Variants in CCNF observed in about 807,000 individuals in gnomAD.
CCNF encodes the protein cyclin-F.
CCNF carries 30 observed loss-of-function variants against 85.4 expected under a neutral mutation model. The observed-to-expected ratio is 0.35, with a 90% CI of 0.26 to 0.48. CCNF has a LOEUF of 0.48. CCNF is among the 20% of genes least tolerant of loss of function. The probability of loss-of-function intolerance (pLI) is 0.99; values close to 1 mark genes in which losing one functional copy is unlikely to be tolerated. For synonymous variants in CCNF, 439 were observed against 425.1 expected (o/e 1.03, Z -0.40); for missense variants, 919 against 1,010.4 (o/e 0.91, Z 1.23).
rs1484999871 is a variant in CCNF at position 2,457,101 on chromosome 16, C to G, written c.*81C>G. 2 of 1,065,256 alleles carry G rather than the reference C, an allele frequency of 1.9e-6. No individual in the cohort carries two copies. Among genetic ancestry groups the G allele is most frequent in the African/African-American group, 3.2e-5 (2 of 62,430 alleles). The allele number at this position is 1,065,256 out of a possible 1,614,324, so 66.0% of individuals were successfully genotyped here. A position where few individuals can be genotyped will look rare whatever the true frequency, so the allele number is the denominator to read the frequency against. On this transcript the variant is annotated 3_prime_UTR_variant, in exon 17 of 17. Coordinates refer to ENST00000397066, the MANE Select transcript of CCNF (RefSeq NM_001761.3). ...GTGGGAGCATAGCATAGGAACGCTG[C>G]ATAGACCATGGAGGCCTTTGCGCAG...
chr16:2,451,642 C>G lies in CCNF; in HGVS notation c.1488-1568C>G, dbSNP rs929600907. Among the ~76,000 whole-genome samples, 3 of 152,186 alleles carry G rather than the reference C, an allele frequency of 2.0e-5. No individual in the cohort carries two copies. Among genetic ancestry groups the G allele is most frequent in the African/African-American group, 7.2e-5 (3 of 41,440 alleles). On this transcript the variant is annotated intron_variant, in intron 13 of 16. Coordinates refer to ENST00000397066, the MANE Select transcript of CCNF (RefSeq NM_001761.3). The surrounding 1 kb of genome is among the most constrained non-coding windows in gnomAD (Gnocchi z 4.3). ...CCTAGCTCACTGCAGCCCTGACCTCCCGGGCTCAAGGGATTCTTTTGTGTC... is the reference window on the plus strand; with the variant it reads ...CCTAGCTCACTGCAGCCCTGACCTCGCGGGCTCAAGGGATTCTTTTGTGTC...
Position 2,449,264 on chromosome 16 carries a change from C to A in CCNF, c.1219-18C>A. On this transcript the variant is annotated intron_variant, in intron 11 of 16. Coordinates refer to ENST00000397066, the MANE Select transcript of CCNF (RefSeq NM_001761.3). ...GCCCCCGAGCGCTGAGAGCCCACACCCCGTCCCGGCTGTCTAGGTCCCCAC... is the reference window on the plus strand; with the variant it reads ...GCCCCCGAGCGCTGAGAGCCCACACACCGTCCCGGCTGTCTAGGTCCCCAC... 2 of 1,613,036 alleles carry A rather than the reference C, an allele frequency of 1.2e-6. No homozygotes were observed. Among genetic ancestry groups the A allele is most frequent in the Non-Finnish European group, 1.7e-6 (2 of 1,179,318 alleles).
In CCNF at chr16:2,443,626, C is replaced by T. The variant is rs2065344539; in HGVS notation, c.778-23C>T. ...TGCAACATGGCTGCTGTCTCACGCT[C>T]ATGTTTGTCTTTTCTTCCTCAGCTG... is the stretch of plus-strand genomic sequence containing the variant. On this transcript the variant is annotated intron_variant, in intron 8 of 16. Coordinates refer to ENST00000397066, the MANE Select transcript of CCNF (RefSeq NM_001761.3). 4 of 1,608,630 alleles carry T rather than the reference C, an allele frequency of 2.5e-6. No individual in the cohort carries two copies. The African/African-American group carries it at 5.3e-5, about 21-fold the overall frequency.
intron 3 of CCNF, among the ~76,000 whole-genome samples, chr16:2,433,286 G>A (rs1186852911): frequency 6.6e-6 from 1 of 152,096 alleles, no homozygotes; most frequent in Admixed American, 6.5e-5. Flanking sequence ...CATCCCTCAC[G>A]CCACTGACAC....
Position 2,431,270 on chromosome 16 carries a change from C to T in CCNF, c.157C>T (p.Leu53=), listed in dbSNP as rs1470802387. 5 of 1,613,962 alleles carry T rather than the reference C, an allele frequency of 3.1e-6. No homozygotes were observed. The highest frequency in any genetic ancestry group is 4.2e-6 in the Non-Finnish European group (5 of 1,180,004). Residue 53 remains leucine, a synonymous_variant, in exon 2 of 17, where the codon CTG becomes TTG. Transcript: ENST00000397066. The stretch of plus-strand genomic sequence containing the variant: ...GAAATGGCTTTCTGTAGAGGACATC[C>T]TGGCCGTCCGAGCTGTAAGTCCCTG... ...ILKWLSVEDI[L]AVRAVHSQLK...
At chr16:2,450,985 GC>G (rs1248857734) in intron 13 of CCNF, among the ~76,000 whole-genome samples, 1 of 152,210 alleles carries the variant, frequency 6.6e-6, no homozygotes, top group African/African-American at 2.4e-5. Context: ...CCCCCTGTCT[GC>G]CCCAGCCCCA....
At chr16:2,436,504 G>C (rs977222304) in intron 4 of CCNF, 2 of 152,224 alleles carry the variant, frequency 1.3e-5, no homozygotes, top group Admixed American at 1.3e-4. Context: ...ACTTCTAAAC[G>C]ATCTGGTGTC....
Position 2,449,810 on chromosome 16 carries a change from G to A in CCNF, c.1400-18G>A. The A allele has an allele frequency of 1.5e-6, 1 of 664,806 alleles. No individual in the cohort carries two copies. Among genetic ancestry groups the A allele is most frequent in the Non-Finnish European group, 2.0e-6 (1 of 500,640 alleles). 41.2% of individuals were successfully genotyped at this position (664,806 alleles called of 1,614,324 possible). On this transcript the variant is annotated intron_variant, in intron 12 of 16. Coordinates refer to ENST00000397066, the MANE Select transcript of CCNF (RefSeq NM_001761.3). Reference sequence around the variant, plus strand: ...GTCCCCTCCATCCCCTCCACCCCTGGCCTGCTTTCCTCCCCAGCACAGCCC... The same window carrying A: ...GTCCCCTCCATCCCCTCCACCCCTGACCTGCTTTCCTCCCCAGCACAGCCC...
chr16:2,439,519 G>A (rs2065310001), intron 7 of CCNF, 62 bp downstream of exon 7: 1 of 1,254,170 alleles, frequency 8.0e-7, no homozygotes, highest in East Asian at 2.4e-5. Flanking sequence ...GTTGATGCTG[G>A]TCCTTGGATG....
intron 5 of CCNF, chr16:2,437,554 G>A: frequency 2.1e-6 from 1 of 474,832 alleles, no homozygotes; most frequent in African/African-American, 2.0e-5. Flanking sequence ...GCTGACAGCT[G>A]GAAACATGGG....
intron 8 of CCNF, 101 bp from the exon 9 acceptor site, chr16:2,443,548 G>C: frequency 9.0e-7 from 1 of 1,113,926 alleles, no homozygotes; most frequent in Non-Finnish European, 1.3e-6. Context: ...GTAGGGCAGT[G>C]TGTCCACATG....
At chr16:2,432,206 C>A (rs2065266439) in intron 2 of CCNF, among the ~76,000 whole-genome samples, 2 of 152,180 alleles carry the variant, frequency 1.3e-5, no homozygotes, top group South Asian at 2.1e-4. Flanking sequence ...AGAATACATT[C>A]TTGAGGACAA....
intron 1 of CCNF, among the ~76,000 whole-genome samples, chr16:2,430,781 T>G (rs977840799): frequency 6.6e-6 from 1 of 152,140 alleles, no homozygotes; most frequent in African/African-American, 2.4e-5. Flanking sequence ...GAGAGTGAAA[T>G]AGAAGGAAAA....
Position 2,456,890 on chromosome 16 carries a change from G to A in CCNF, c.2231G>A (p.Arg744Lys). 1 of 1,614,192 alleles carries A rather than the reference G, an allele frequency of 6.2e-7. No homozygotes were observed. Among genetic ancestry groups the A allele is most frequent in the Non-Finnish European group, 8.5e-7 (1 of 1,180,036 alleles). Residue 744 changes from arginine to lysine, a missense_variant, in exon 17 of 17, where the codon AGG (arginine) becomes AAG (lysine). Arg to Lys is a conservative substitution (Grantham distance 26, BLOSUM62 2). This residue lies in a region of CCNF where 505 missense variants were observed against 514.8 expected (regional missense o/e 0.98). Transcript: ENST00000397066. The surrounding 1 kb of genome is among the most constrained non-coding windows in gnomAD (Gnocchi z 4.5). ...ACACAGCCCTGCCACCATCAGGCCA[G>A]GAAGTCATGTTTACAGTGTCGTCCC... ...SHTQPCHHQA[R>K]KSCLQCRPPS...
Position 2,449,610 on chromosome 16 carries a change from T to G in CCNF, c.1399+148T>G, listed in dbSNP as rs986933903. ...AGCACGGCTCCTACCTTCAGTGATG[T>G]CCCAGATTTCTGACCATGAGCCTGC... On this transcript the variant is annotated intron_variant, in intron 12 of 16. Coordinates refer to ENST00000397066, the MANE Select transcript of CCNF (RefSeq NM_001761.3). 6 of 841,482 alleles carry G rather than the reference T, an allele frequency of 7.1e-6. No individual in the cohort carries two copies. The Admixed American group carries it at 1.4e-4, about 20-fold the overall frequency. 52.1% of individuals were successfully genotyped at this position (841,482 alleles called of 1,614,324 possible). A position where few individuals can be genotyped will look rare whatever the true frequency, so the allele number is the denominator to read the frequency against.
chr16:2,436,025 G>T, intron 4 of CCNF, 152 bp downstream of exon 4: 1 of 553,222 alleles, frequency 1.8e-6, no homozygotes. Context: ...CTCGTGCCCA[G>T]ATGTACCCTG....
chr16:2,436,086 T>G (rs1398044808), intron 4 of CCNF: 1 of 455,112 alleles, frequency 2.2e-6, no homozygotes, highest in Non-Finnish European at 3.9e-6. Context: ...GAAAGTCGCC[T>G]CTTGTTTTAG....
In CCNF at chr16:2,456,924, C is replaced by T. The variant is rs1567392698; in HGVS notation, c.2265C>T (p.Pro755=). The change falls in exon 17 of 17, where the codon CCC becomes CCT. Residue 755 remains proline, a synonymous_variant. Transcript: ENST00000397066. This position sits in a 1 kb window ranked among gnomAD's most constrained non-coding sequence, Gnocchi z 4.5. ...GTTTACAGTGTCGTCCCCCAAGTCC[C>T]CCGGAGAGCAGTGTTCCCCAGCAAC... is the stretch of plus-strand genomic sequence containing the variant. ...KSCLQCRPPS[P]PESSVPQQQV... is the part of the protein sequence containing the mutation. 1.9e-6 allele frequency: 3 copies of T among 1,614,130 alleles called. No homozygotes were observed. Among genetic ancestry groups the T allele is most frequent in the Middle Eastern group, 1.6e-4 (1 of 6,062 alleles).
At chr16:2,440,917 C>T (rs1193375249) in intron 8 of CCNF, among the ~76,000 whole-genome samples, 3 of 152,016 alleles carry the variant, frequency 2.0e-5, no homozygotes, top group Non-Finnish European at 2.9e-5. Flanking sequence ...AGTGAGACTC[C>T]ATCTCGACAA....
Sources: allele counts gnomAD v4.1 joint callset (sites outside exome capture counted in the v4.1 genomes callset), GRCh38; gene constraint gnomAD v4.1.1; regional missense constraint gnomAD v4.1.1; non-coding constraint Gnocchi (gnomAD v3.1); transcripts MANE v1.5; gene names NCBI Gene and HGNC (gene_info 2026-07-23, HGNC 2026-07-21).